The following HELLS variants were observed in gnomAD, a reference collection of about 807,000 sequenced individuals.
The protein encoded by HELLS is helicase, lymphoid specific.
Under a neutral mutation model 120.0 loss-of-function variants are expected in HELLS, and 32 were observed. That is an observed-to-expected ratio of 0.27 (90% CI 0.20 to 0.36). The LOEUF (loss-of-function observed/expected upper bound fraction) is 0.36, where lower values mean the gene tolerates loss of function less well. Ranked by LOEUF, HELLS falls within the 10% of genes least tolerant of loss-of-function variation. HELLS has a pLI of 1.00. For missense variants in HELLS, 650 were observed against 993.4 expected (o/e 0.65, Z 4.65); for synonymous variants, 341 against 323.4 (o/e 1.05, Z -0.58).
Position 94,601,684 on chromosome 10 carries a change from G to T in HELLS, c.*62G>T. ...TACATCTAGTGATTTCCCTGTATTG[G>T]GTTTGAAATACTGATTGTCCACTTC... On this transcript the variant is annotated 3_prime_UTR_variant, in exon 22 of 22. Coordinates refer to ENST00000348459, the MANE Select transcript of HELLS (RefSeq NM_018063.5). 1.2e-6 allele frequency: 1 copy of T among 835,870 alleles called. No homozygotes were observed. Among genetic ancestry groups the T allele is most frequent in the Non-Finnish European group, 1.9e-6 (1 of 515,764 alleles). 51.8% of individuals were successfully genotyped at this position (835,870 alleles called of 1,614,324 possible).
intron 8 of HELLS, among the ~76,000 whole-genome samples, chr10:94,607,325 G>T (rs1037844550): frequency 1.3e-5 from 2 of 152,128 alleles, no homozygotes; most frequent in Admixed American, 6.5e-5. Flanking sequence ...TTATTTTTCA[G>T]TTCCCAAAAT....
At chr10:94,550,654 C>T (rs528823326) in intron 2 of HELLS, among the ~76,000 whole-genome samples, 2 of 152,168 alleles carry the variant, frequency 1.3e-5, no homozygotes, top group African/African-American at 4.8e-5. Context: ...CTTTGGGAGG[C>T]TGAGGCGGGG....
intron 12 of HELLS, among the ~76,000 whole-genome samples, chr10:94,585,406 G>GTT (rs1383880733): frequency 2.1e-4 from 24 of 115,886 alleles, no homozygotes; most frequent in South Asian, 5.4e-4. Flanking sequence ...TGTTTTTTTG[G>GTT]TTTTTTTTTT....
intron 4 of HELLS, among the ~76,000 whole-genome samples, chr10:94,561,478 A>C (rs1420907220): frequency 6.6e-6 from 1 of 152,034 alleles, no homozygotes; most frequent in African/African-American, 2.4e-5. Context: ...AAACTTAAAA[A>C]ATTTTTTTAG....
intron 21 of HELLS, among the ~76,000 whole-genome samples, chr10:94,600,848 T>C (rs184505580): frequency 1.3e-5 from 2 of 152,270 alleles, no homozygotes; most frequent in Non-Finnish European, 2.9e-5. Context: ...AAGACTACTA[T>C]AAGACAGATG....
intron 11 of HELLS, among the ~76,000 whole-genome samples, chr10:94,582,584 G>A (rs532213328): frequency 1.3e-5 from 2 of 152,196 alleles, no homozygotes; most frequent in African/African-American, 4.8e-5. Flanking sequence ...ATTGTAGTGG[G>A]CCATACTTAG....
At chr10:94,593,455 T>A (rs1450322529) in intron 17 of HELLS, 44 bp from the exon 18 acceptor site, 1 of 1,198,386 alleles carries the variant, frequency 8.3e-7, no homozygotes, top group African/African-American at 1.5e-5. Context: ...TCTTGTTGGT[T>A]AATTTATTTT....
chr10:94,587,670 A>G (rs1313108429), intron 12 of HELLS, among the ~76,000 whole-genome samples: 1 of 152,056 alleles, frequency 6.6e-6, no homozygotes, highest in Non-Finnish European at 1.5e-5. Flanking sequence ...CAGGTGATTC[A>G]CCCGTCTTGG....
chr10:94,594,703 G>A lies in HELLS; in HGVS notation c.2097G>A (p.Gln699=). 1.9e-6 allele frequency: 3 copies of A among 1,604,944 alleles called. No individual in the cohort carries two copies. Among genetic ancestry groups the A allele is most frequent in the Non-Finnish European group, 2.5e-6 (3 of 1,176,756 alleles). ...TTCTTTTTAACTTTAAGAACCCCCAGTCGGATCTTCAGGCCCAGGATAGAT... is the reference window on the plus strand; with the variant it reads ...TTCTTTTTAACTTTAAGAACCCCCAATCGGATCTTCAGGCCCAGGATAGAT... ...VIIYDSDWNP[Q]SDLQAQDRCH... Residue 699 remains glutamine, a synonymous_variant, in exon 19 of 22, where the codon CAG becomes CAA. Coordinates refer to ENST00000348459, the MANE Select transcript of HELLS (RefSeq NM_018063.5).
At chr10:94,563,832 C>T (rs1464377176) in intron 6 of HELLS, among the ~76,000 whole-genome samples, 6 of 135,276 alleles carry the variant, frequency 4.4e-5, no homozygotes, top group African/African-American at 5.5e-5. Flanking sequence ...TTTGATGAGA[C>T]GGAGATTTAC....
intron 4 of HELLS, among the ~76,000 whole-genome samples, chr10:94,560,228 C>CGA (rs1278356625): frequency 1.3e-5 from 2 of 152,128 alleles, no homozygotes; most frequent in Non-Finnish European, 2.9e-5. Flanking sequence ...GACAGGGTTT[C>CGA]ACCATCTTGG....
intron 15 of HELLS, among the ~76,000 whole-genome samples, chr10:94,591,177 C>T (rs1428116346): frequency 1.3e-5 from 2 of 152,136 alleles, no homozygotes; most frequent in African/African-American, 4.8e-5. Flanking sequence ...ATGTGAACAA[C>T]TAAGAATTCT....
At chr10:94,589,677 C>T (rs558513210) in intron 13 of HELLS, among the ~76,000 whole-genome samples, 106 of 144,236 alleles carry the variant, frequency 7.3e-4, no homozygotes, top group African/African-American at 2.6e-3. Context: ...CTTCTCCCCC[C>T]GACTTTTTTT....
exon 10 of HELLS, chr10:94,612,866 G>A (rs1041469202): frequency 6.6e-6 from 1 of 152,244 alleles, no homozygotes; most frequent in East Asian, 1.9e-4. Context: ...ACAGGTTGCA[G>A]TGAGCCAAGA....
intron 12 of HELLS, 149 bp from the exon 13 acceptor site, chr10:94,588,080 G>GA: frequency 6.4e-6 from 3 of 469,138 alleles, no homozygotes; most frequent in South Asian, 9.4e-5. Context: ...TCTGGTCTGG[G>GA]AAAATCTCAA....
At chr10:94,573,724 A>G (rs983982161) in intron 7 of HELLS, among the ~76,000 whole-genome samples, 3 of 151,678 alleles carry the variant, frequency 2.0e-5, no homozygotes, top group African/African-American at 7.3e-5. Flanking sequence ...TCAGCTTCCC[A>G]AAGTGCTGTG....
chr10:94,606,060 CT>C (rs1166949716), downstream of HELLS, among the ~76,000 whole-genome samples: 350 of 131,214 alleles, frequency 2.7e-3, no homozygotes, highest in Middle Eastern at 8.6e-3. Context: ...TGGTATGGGT[CT>C]TTTTTTTTTT....
intron 6 of HELLS, among the ~76,000 whole-genome samples, chr10:94,567,028 CT>C (rs1843834617): frequency 6.6e-6 from 1 of 152,084 alleles, no homozygotes; most frequent in Non-Finnish European, 1.5e-5. Flanking sequence ...CTCTCTTTTC[CT>C]CTTCGCCTAA....
chr10:94,565,604 T>C (rs1028740328), intron 6 of HELLS, among the ~76,000 whole-genome samples: 7 of 150,206 alleles, frequency 4.7e-5, no homozygotes, highest in Non-Finnish European at 1.0e-4. Context: ...GCAGGAGAAT[T>C]GCTTGAACCC....
Sources: allele counts gnomAD v4.1 joint callset (sites outside exome capture counted in the v4.1 genomes callset), GRCh38; gene constraint gnomAD v4.1.1; transcripts MANE v1.5; gene names NCBI Gene and HGNC (gene_info 2026-07-23, HGNC 2026-07-21).